Variants in FOXP2 observed in about 807,000 individuals in gnomAD.
The protein encoded by FOXP2 is forkhead box P2.
Under a neutral mutation model 115.8 loss-of-function variants are expected in FOXP2, and 12 were observed. The observed-to-expected ratio is 0.10, with a 90% CI of 0.07 to 0.17. FOXP2 has a LOEUF of 0.17. FOXP2 is among the 10% of genes least tolerant of loss of function. The probability of loss-of-function intolerance (pLI) is 1.00; values close to 1 mark genes in which losing one functional copy is unlikely to be tolerated. For synonymous variants in FOXP2, 328 were observed against 297.7 expected, an observed-to-expected ratio of 1.10 and a Z score of -1.05; for missense variants, 629 against 843.5, an observed-to-expected ratio of 0.75 and a Z score of 3.15.
intron 3 of FOXP2, chr7:114,570,696 A>G: frequency 2.5e-6 from 2 of 804,268 alleles, no homozygotes; most frequent in Admixed American, 3.7e-5. Context: ...ATTTTGACCT[A>G]CCAAGATAAT....
chr7:114,585,436 G>A (rs1584924987), intron 3 of FOXP2, among the ~76,000 whole-genome samples: 2 of 152,114 alleles, frequency 1.3e-5, no homozygotes, highest in East Asian at 3.9e-4. Flanking sequence ...AATCTCCTGG[G>A]AATATCTTAG....
At chr7:114,408,447 C>T (rs547096897) in intron 2 of FOXP2, among the ~76,000 whole-genome samples, 18 of 152,028 alleles carry the variant, frequency 1.2e-4, no homozygotes, top group Non-Finnish European at 2.5e-4. Flanking sequence ...AATGAATGGG[C>T]CAGGCGCAGT....
At chr7:114,248,823 G>T (rs944889709) in intron 1 of FOXP2, among the ~76,000 whole-genome samples, 1 of 152,102 alleles carries the variant, frequency 6.6e-6, no homozygotes, top group East Asian at 1.9e-4. Flanking sequence ...CCTCACAACA[G>T]CCAAATGAGG....
At chr7:114,092,646 A>G (rs1046966821) in intron 1 of FOXP2, among the ~76,000 whole-genome samples, 2 of 152,112 alleles carry the variant, frequency 1.3e-5, no homozygotes, top group African/African-American at 4.8e-5. Flanking sequence ...AACTTACAGT[A>G]CACTAATCCA....
intron 8 of FOXP2, among the ~76,000 whole-genome samples, chr7:114,649,724 T>A (rs369571337): frequency 2.6e-5 from 4 of 152,210 alleles, no homozygotes; most frequent in African/African-American, 7.2e-5. Flanking sequence ...CTTTTACATA[T>A]CACTGGTAAA....
rs188506998 is a variant in FOXP2, at chr7:114,331,794, C to T, written c.-11+43685C>T. On this transcript the variant is annotated intron_variant, in intron 2 of 17. Coordinates refer to the FOXP2 transcript ENST00000634411. ...GTGATTTTCTTGCATTACAGGCATGCGCCATCATACCTGGCTAATTTTTGT... is the reference window on the plus strand; with the variant it reads ...GTGATTTTCTTGCATTACAGGCATGTGCCATCATACCTGGCTAATTTTTGT... Among the ~76,000 whole-genome samples, 439 of 151,814 alleles carry T rather than the reference C, an allele frequency of 2.9e-3. 1 individual carries two copies. Among genetic ancestry groups the T allele is most frequent in the Non-Finnish European group, 4.9e-3 (335 of 67,922 alleles).
chr7:114,571,693 T>C (rs1801311900), intron 3 of FOXP2, among the ~76,000 whole-genome samples: 1 of 151,900 alleles, frequency 6.6e-6, no homozygotes, highest in Admixed American at 6.6e-5. Flanking sequence ...CAACTGTTTA[T>C]ACAGCATTTA....
chr7:114,306,150 C>G (rs1797009204), intron 2 of FOXP2, among the ~76,000 whole-genome samples: 1 of 151,998 alleles, frequency 6.6e-6, no homozygotes, highest in Admixed American at 6.6e-5. Flanking sequence ...CAGAGAGTAC[C>G]AGGTCTGGTA....
chr7:114,459,151 T>G (rs1213976916), intron 2 of FOXP2, among the ~76,000 whole-genome samples: 2 of 152,206 alleles, frequency 1.3e-5, no homozygotes, highest in African/African-American at 2.4e-5. Flanking sequence ...CCAGTCCTCT[T>G]AAGAGCTAGG....
intron 3 of FOXP2, among the ~76,000 whole-genome samples, chr7:114,581,975 A>G (rs747764285): frequency 6.6e-6 from 1 of 152,216 alleles, no homozygotes; most frequent in African/African-American, 2.4e-5. Flanking sequence ...CATAGAGATT[A>G]CAAATAGTAT....
intron 1 of FOXP2, among the ~76,000 whole-genome samples, chr7:114,271,513 A>C (rs1203268908): frequency 7.6e-6 from 1 of 131,456 alleles, no homozygotes. Flanking sequence ...TTAATAATAT[A>C]ATATTAATAT....
chr7:114,656,754 A>G (rs1157517458), intron 10 of FOXP2, among the ~76,000 whole-genome samples: 2 of 152,154 alleles, frequency 1.3e-5, no homozygotes. Flanking sequence ...TGCCCAAGAA[A>G]GAAGAACAAT....
chr7:114,677,342 G>A (rs923048807), intron 16 of FOXP2, among the ~76,000 whole-genome samples: 1 of 152,130 alleles, frequency 6.6e-6, no homozygotes, highest in African/African-American at 2.4e-5. Flanking sequence ...ACAGTTGCTA[G>A]TATCTAAATA....
chr7:114,360,007 G>A (rs1485658753), intron 2 of FOXP2, among the ~76,000 whole-genome samples: 3 of 152,064 alleles, frequency 2.0e-5, no homozygotes, highest in Non-Finnish European at 1.5e-5. Context: ...GTTTGGCTGT[G>A]TCCCCACCCA....
intron 1 of FOXP2, among the ~76,000 whole-genome samples, chr7:114,239,518 A>T (rs1007086212): frequency 6.6e-6 from 1 of 152,176 alleles, no homozygotes; most frequent in African/African-American, 2.4e-5. Flanking sequence ...AGGAAACAGC[A>T]TCTGCAGAAA....
At chr7:114,199,599 A>G (rs951848273) in intron 1 of FOXP2, among the ~76,000 whole-genome samples, 2 of 152,324 alleles carry the variant, frequency 1.3e-5, no homozygotes, top group South Asian at 4.1e-4. Context: ...GGCCCTACTC[A>G]TATGGTTATC....
chr7:114,191,095 C>G (rs563973784), intron 1 of FOXP2, among the ~76,000 whole-genome samples: 27 of 152,270 alleles, frequency 1.8e-4, no homozygotes, highest in Admixed American at 4.6e-4. Flanking sequence ...GTATAACTCA[C>G]GTATTAGCAT....
chr7:114,646,325 A>G (rs903071502), intron 8 of FOXP2, among the ~76,000 whole-genome samples: 1 of 152,076 alleles, frequency 6.6e-6, no homozygotes, highest in Non-Finnish European at 1.5e-5. Context: ...GGTGAAAAAT[A>G]CATATTTTCC....
chr7:114,663,645 T>G (rs1807007716), intron 15 of FOXP2, 126 bp downstream of exon 15: 2 of 751,736 alleles, frequency 2.7e-6, no homozygotes, highest in Non-Finnish European at 4.6e-6. Flanking sequence ...CAAGTTGTAG[T>G]ACCTAGTACT....
Sources: allele counts gnomAD v4.1 joint callset (sites outside exome capture counted in the v4.1 genomes callset), GRCh38; gene constraint gnomAD v4.1.1; transcripts MANE v1.5; gene names NCBI Gene and HGNC (gene_info 2026-07-23, HGNC 2026-07-21).